The following PCDH7 variants were observed in gnomAD, a reference collection of about 807,000 sequenced individuals.
The protein encoded by PCDH7 is protocadherin-7.
A neutral mutation model predicts 58.9 loss-of-function variants in PCDH7; 17 were observed. The ratio of observed to expected loss-of-function variants is 0.29; its 90% CI spans 0.20 to 0.43. The LOEUF (loss-of-function observed/expected upper bound fraction) is 0.43. PCDH7 is among the 20% of genes least tolerant of loss of function. The probability of loss-of-function intolerance (pLI) is 1.00; values close to 1 mark genes in which losing one functional copy is unlikely to be tolerated. For missense variants in PCDH7, 1,274 were observed against 1,441.0 expected, an observed-to-expected ratio of 0.88 and a Z score of 1.88; for synonymous variants, 664 against 616.4, an observed-to-expected ratio of 1.08 and a Z score of -1.14.
At chr4:30,829,949 C>CT (rs976176022) in intron 1 of PCDH7, among the ~76,000 whole-genome samples, 5 of 152,054 alleles carry the variant, frequency 3.3e-5, no homozygotes, top group African/African-American at 1.2e-4. Context: ...AGCAAATAGG[C>CT]TAGTAAATCA....
chr4:30,995,178 G>C (rs565080590), intron 3 of PCDH7, among the ~76,000 whole-genome samples: 1 of 151,962 alleles, frequency 6.6e-6, no homozygotes, highest in Non-Finnish European at 1.5e-5. Context: ...TCTATTGGTC[G>C]ACATTGGTGC....
intron 1 of PCDH7, among the ~76,000 whole-genome samples, chr4:30,809,435 C>T (rs902788762): frequency 2.6e-5 from 4 of 152,004 alleles, no homozygotes; most frequent in South Asian, 2.1e-4. Context: ...TCAGTTTCTA[C>T]GGTGGTCAAA....
chr4:30,830,308 T>G (rs149184011), intron 1 of PCDH7, among the ~76,000 whole-genome samples: 1 of 152,242 alleles, frequency 6.6e-6, no homozygotes, highest in Admixed American at 6.6e-5. Context: ...AATAAATTAT[T>G]CACATCACAT....
intron 2 of PCDH7, among the ~76,000 whole-genome samples, chr4:30,934,432 T>TGG (rs879910687): frequency 6.6e-6 from 1 of 152,150 alleles, no homozygotes; most frequent in African/African-American, 2.4e-5. Context: ...GCAGAGAAAA[T>TGG]ACATTATTAC....
intron 2 of PCDH7, among the ~76,000 whole-genome samples, chr4:30,945,596 A>T (rs867446088): frequency 5.5e-4 from 83 of 151,914 alleles, no homozygotes; most frequent in African/African-American, 1.8e-3. Context: ...CTTTTTTTTT[A>T]AACAAGTATT....
chr4:31,092,406 C>T (rs758051596), intron 3 of PCDH7, among the ~76,000 whole-genome samples: 7 of 151,888 alleles, frequency 4.6e-5, no homozygotes, highest in Non-Finnish European at 1.0e-4. Flanking sequence ...TTTTTATTCT[C>T]CAGAGAGAAT....
intron 1 of PCDH7, among the ~76,000 whole-genome samples, chr4:30,836,597 T>C (rs1271414222): frequency 1.3e-5 from 2 of 152,202 alleles, no homozygotes; most frequent in Non-Finnish European, 2.9e-5. Context: ...CTGTGGCTTA[T>C]GAAAATTTAA....
intron 3 of PCDH7, among the ~76,000 whole-genome samples, chr4:30,982,161 A>G (rs1186546045): frequency 1.3e-5 from 2 of 152,236 alleles, no homozygotes; most frequent in South Asian, 2.1e-4. Context: ...TCAAAGCATC[A>G]TGCACATGAA....
chr4:30,849,789 C>T lies in PCDH7; in HGVS notation c.71-70364C>T, dbSNP rs896547202. Among the ~76,000 whole-genome samples, 10 of 152,044 alleles carry T rather than the reference C, an allele frequency of 6.6e-5. No individual in the cohort carries two copies. The South Asian group carries it at 1.9e-3, about 28-fold the overall frequency. On this transcript the variant is annotated intron_variant, in intron 1 of 3. Coordinates refer to the PCDH7 transcript ENST00000509759. ...AGGTCTCCTTTCTTTTCTGGTATTT[C>T]TTTAATTTCTATTCCTGGAATCCAA...
intron 3 of PCDH7, among the ~76,000 whole-genome samples, chr4:31,131,264 A>T (rs1250835443): frequency 3.9e-5 from 6 of 152,158 alleles, no homozygotes; most frequent in African/African-American, 1.4e-4. Flanking sequence ...AAAGGAAAAC[A>T]TGTCAATGAG....
intron 3 of PCDH7, among the ~76,000 whole-genome samples, chr4:30,976,440 G>A (rs972954869): frequency 5.3e-5 from 7 of 133,170 alleles, no homozygotes; most frequent in Non-Finnish European, 1.1e-4. Flanking sequence ...TCACCCTGTC[G>A]CCCAGGTTGG....
intron 3 of PCDH7, among the ~76,000 whole-genome samples, chr4:30,988,434 C>T (rs1191661858): frequency 6.6e-6 from 1 of 152,146 alleles, no homozygotes; most frequent in African/African-American, 2.4e-5. Flanking sequence ...AAACAGAATT[C>T]TCAGTTTATG....
chr4:30,942,077 C>G (rs1385436188), intron 2 of PCDH7, among the ~76,000 whole-genome samples: 1 of 151,738 alleles, frequency 6.6e-6, no homozygotes, highest in Non-Finnish European at 1.5e-5. Flanking sequence ...AGTTTGGAGA[C>G]CATGTTTTCT....
intron 3 of PCDH7, among the ~76,000 whole-genome samples, chr4:31,032,164 C>T (rs745654168): frequency 3.3e-5 from 5 of 152,180 alleles, no homozygotes; most frequent in African/African-American, 9.7e-5. Context: ...TCAGATGATA[C>T]GCCCTTCTTA....
chr4:31,121,991 A>G (rs181618649), intron 3 of PCDH7, among the ~76,000 whole-genome samples: 5 of 152,222 alleles, frequency 3.3e-5, no homozygotes, highest in Admixed American at 2.6e-4. Flanking sequence ...CAATGTAGCC[A>G]GAAGTTTTCG....
At chr4:31,013,120 G>T (rs1753321205) in intron 3 of PCDH7, among the ~76,000 whole-genome samples, 1 of 150,426 alleles carries the variant, frequency 6.6e-6, no homozygotes, top group Non-Finnish European at 1.5e-5. Flanking sequence ...TCAGGAGTTT[G>T]AGGCTGCAGT....
chr4:31,064,364 G>T (rs1280726888), intron 3 of PCDH7, among the ~76,000 whole-genome samples: 3 of 151,960 alleles, frequency 2.0e-5, no homozygotes, highest in African/African-American at 7.2e-5. Context: ...TGTATACATG[G>T]AGTAAGTTCT....
At chr4:30,734,124 G>A (rs753551756), downstream of PCDH7, among the ~76,000 whole-genome samples, 22 of 151,428 alleles carry the variant, frequency 1.5e-4, no homozygotes, top group Non-Finnish European at 2.7e-4. Context: ...TTCCACAGTT[G>A]GAAATATCTC....
intron 1 of PCDH7, among the ~76,000 whole-genome samples, chr4:30,747,520 C>T (rs760516576): frequency 7.9e-5 from 12 of 152,140 alleles, no homozygotes; most frequent in Non-Finnish European, 1.2e-4. Context: ...TCTAGGGCTG[C>T]CTGCATTCTT....
Sources: gnomAD v4.1 joint callset for allele counts (sites outside exome capture counted in the v4.1 genomes callset) on GRCh38, gnomAD v4.1.1 for gene constraint, MANE v1.5 for transcripts, NCBI Gene and HGNC (gene_info 2026-07-23, HGNC 2026-07-21) for gene names.